Variants in SLC35E4 observed in about 807,000 individuals in gnomAD.
SLC35E4 encodes the protein solute carrier family 35, member E4.
In SLC35E4, 15 loss-of-function variants were observed where a neutral mutation model predicts 19.3. The ratio of observed to expected loss-of-function variants is 0.78; its 90% confidence interval spans 0.52 to 1.20. The LOEUF is 1.20. Among genes scored for constraint, SLC35E4 ranks in the 50% most tolerant of loss-of-function variants. The pLI is 0.00. For synonymous variants in SLC35E4, 219 were observed against 219.9 expected (o/e 1.00, Z 0.04); for missense variants, 406 against 472.3 (o/e 0.86, Z 1.30).
intron 2 of SLC35E4, among the ~76,000 whole-genome samples, chr22:30,659,208 G>A (rs560244962): frequency 3.3e-5 from 5 of 150,662 alleles, no homozygotes; most frequent in African/African-American, 9.8e-5. Context: ...GGATCGAACC[G>A]AAGAGGGTCA....
chr22:30,646,519 A>T, intron 1 of SLC35E4, 79 bp from the exon 2 acceptor site: 1 of 1,488,234 alleles, frequency 6.7e-7, no homozygotes. Context: ...TTCTTGGAGG[A>T]TCGGCCATAG....
chr22:30,659,123 CAAAAAAAAAAAAA>C (rs35939188), intron 2 of SLC35E4, among the ~76,000 whole-genome samples: 3 of 104,748 alleles, frequency 2.9e-5, no homozygotes, highest in Non-Finnish European at 5.5e-5. Context: ...GACTCCATCT[CAAAAAAAAAAAAA>C]AAAAAAAAAA....
At chr22:30,668,327 C>T (rs1054215286) in exon 3 of SLC35E4, 2 of 152,282 alleles carry the variant, frequency 1.3e-5, no homozygotes, top group Admixed American at 1.3e-4. Flanking sequence ...TGCCCAGAGC[C>T]TTCGTTAGAC....
intron 2 of SLC35E4, among the ~76,000 whole-genome samples, chr22:30,655,175 GCCAGGTATGGTGGCTCACA>G (rs1161000704): frequency 1.3e-5 from 2 of 151,990 alleles, no homozygotes; most frequent in Non-Finnish European, 2.9e-5. Flanking sequence ...GAAGCCAGCA[GCCAGGTATGGTGGCTCACA>G]CCTGTAATCC....
At chr22:30,638,216 T>C (rs1304107363) in intron 1 of SLC35E4, among the ~76,000 whole-genome samples, 6 of 149,162 alleles carry the variant, frequency 4.0e-5, no homozygotes, top group Non-Finnish European at 8.9e-5. Context: ...AATACAAAAA[T>C]TGGGGCCGGG....
At chr22:30,657,030 C>T (rs561030966) in intron 2 of SLC35E4, among the ~76,000 whole-genome samples, 1 of 152,170 alleles carries the variant, frequency 6.6e-6, no homozygotes, top group South Asian at 2.1e-4. Flanking sequence ...GAAAAAAATG[C>T]TCAGGAGGAA....
intron 2 of SLC35E4, among the ~76,000 whole-genome samples, chr22:30,655,102 C>T (rs749186241): frequency 3.9e-5 from 6 of 152,044 alleles, no homozygotes; most frequent in African/African-American, 7.2e-5. Context: ...AACAGAGCCA[C>T]GGTGTGAAGT....
At chr22:30,651,696 T>C (rs894957629), downstream of SLC35E4, among the ~76,000 whole-genome samples, 1 of 151,810 alleles carries the variant, frequency 6.6e-6, no homozygotes, top group African/African-American at 2.4e-5. Flanking sequence ...GTTGTTGTGG[T>C]CTAGGTAACT....
rs1176048310 is a variant in SLC35E4, at chr22:30,636,551, C to T, written c.101C>T (p.Pro34Leu). The change falls in exon 1 of 2, where the codon CCC becomes CTC. Residue 34 changes from proline (P) to leucine (L), a missense_variant. Coordinates refer to ENST00000343605, the MANE Select transcript of SLC35E4 (RefSeq NM_001001479.4). The part of the protein sequence containing the change: ...GAQAAGPPEW[P>L]PGSPQALRQP... Reference sequence around the variant, plus strand: ...CAGGCGGCTGGGCCCCCCGAGTGGCCCCCTGGCAGCCCTCAGGCCCTCCGG... The same window carrying T: ...CAGGCGGCTGGGCCCCCCGAGTGGCTCCCTGGCAGCCCTCAGGCCCTCCGG... 1.9e-6 allele frequency: 3 copies of T among 1,566,154 alleles called. No homozygotes were observed. In the South Asian group the frequency reaches 3.5e-5, roughly 18 times the overall value.
chr22:30,637,513 C>G (rs2087969812), intron 1 of SLC35E4, among the ~76,000 whole-genome samples: 2 of 152,020 alleles, frequency 1.3e-5, no homozygotes, highest in African/African-American at 4.8e-5. Context: ...CCTGACCTCC[C>G]AAGGTGCTAG....
downstream of SLC35E4, chr22:30,663,998 T>C (rs748513055): frequency 5.6e-6 from 9 of 1,612,238 alleles, no homozygotes; most frequent in South Asian, 8.8e-5. Context: ...ACGAGGGTGC[T>C]GTCATCAAGG....
chr22:30,654,487 G>T, intron 2 of SLC35E4: 3 of 431,456 alleles, frequency 7.0e-6, no homozygotes, highest in South Asian at 5.1e-5. Context: ...AGGGTGGTGG[G>T]ATGCCGTTAA....
At chr22:30,651,314 C>T (rs1264003166), downstream of SLC35E4, among the ~76,000 whole-genome samples, 1 of 146,646 alleles carries the variant, frequency 6.8e-6, no homozygotes, top group African/African-American at 2.6e-5. Flanking sequence ...GATTCTTCTG[C>T]CTCAGCCTCC....
At chr22:30,640,893 T>C (rs1353533413) in intron 1 of SLC35E4, among the ~76,000 whole-genome samples, 1 of 152,116 alleles carries the variant, frequency 6.6e-6, no homozygotes, top group Non-Finnish European at 1.5e-5. Context: ...CTGGGATTGA[T>C]GACAGCCCAC....
chr22:30,660,692 C>T (rs1300860213), intron 2 of SLC35E4, among the ~76,000 whole-genome samples: 2 of 152,118 alleles, frequency 1.3e-5, no homozygotes, highest in African/African-American at 2.4e-5. Flanking sequence ...TGTCCATATA[C>T]ATCATAATTA....
Position 30,647,044 on chromosome 22 carries a change from C to G in SLC35E4, c.*13C>G. 2 of 1,577,312 alleles carry G rather than the reference C, an allele frequency of 1.3e-6. No homozygotes were observed. Among genetic ancestry groups the G allele is most frequent in the Non-Finnish European group, 1.7e-6 (2 of 1,162,892 alleles). On this transcript the variant is annotated 3_prime_UTR_variant, in exon 2 of 2. Transcript: ENST00000343605. Reference sequence around the variant, plus strand: ...CAAGGGTCTTTGAGACCTGGGGGATCTCAGGAGCCACCTGGGATGGCCCTG... The same window carrying G: ...CAAGGGTCTTTGAGACCTGGGGGATGTCAGGAGCCACCTGGGATGGCCCTG...
intron 1 of SLC35E4, among the ~76,000 whole-genome samples, chr22:30,640,834 C>T (rs1486683033): frequency 1.3e-5 from 2 of 152,124 alleles, no homozygotes; most frequent in African/African-American, 4.8e-5. Flanking sequence ...CCCTGAGATC[C>T]TGTGACCCAG....
chr22:30,645,314 C>T (rs1380573669), intron 1 of SLC35E4, among the ~76,000 whole-genome samples: 1 of 152,108 alleles, frequency 6.6e-6, no homozygotes, highest in Non-Finnish European at 1.5e-5. Context: ...GAACCCTGGG[C>T]TGGGTGCACT....
chr22:30,641,094 C>G (rs1295273836), intron 1 of SLC35E4, among the ~76,000 whole-genome samples: 1 of 152,226 alleles, frequency 6.6e-6, no homozygotes, highest in African/African-American at 2.4e-5. Context: ...CACTGGGAAA[C>G]CTGACCTGTG....
Sources: allele counts gnomAD v4.1 joint callset (sites outside exome capture counted in the v4.1 genomes callset), GRCh38; gene constraint gnomAD v4.1.1; transcripts MANE v1.5; gene names NCBI Gene and HGNC (gene_info 2026-07-23, HGNC 2026-07-21).